Variants in KIAA1549L observed in about 807,000 individuals in gnomAD.
KIAA1549L encodes UPF0606 protein KIAA1549L.
A neutral mutation model predicts 160.7 loss-of-function variants in KIAA1549L; 88 were observed. That is an observed-to-expected ratio of 0.55 (90% CI 0.46 to 0.65). The LOEUF (loss-of-function observed/expected upper bound fraction) is 0.65, where lower values mean the gene tolerates loss of function less well. KIAA1549L is among the 30% of genes least tolerant of loss of function. The probability of loss-of-function intolerance (pLI) is 0.00; values close to 1 mark genes in which losing one functional copy is unlikely to be tolerated. For synonymous variants in KIAA1549L, 950 were observed against 976.7 expected, an observed-to-expected ratio of 0.97 and a Z score of 0.51; for missense variants, 2,258 against 2,437.5, an observed-to-expected ratio of 0.93 and a Z score of 1.55.
intron 1 of KIAA1549L, among the ~76,000 whole-genome samples, chr11:33,457,336 C>G (rs1331612842): frequency 1.3e-5 from 2 of 152,136 alleles, no homozygotes; most frequent in Non-Finnish European, 2.9e-5. Flanking sequence ...GGGATGTGGT[C>G]AAAGATAGGA....
At chr11:33,444,660 A>G (rs1162615913) in intron 1 of KIAA1549L, among the ~76,000 whole-genome samples, 2 of 152,266 alleles carry the variant, frequency 1.3e-5, no homozygotes, top group African/African-American at 4.8e-5. Context: ...ATTGAAATGA[A>G]ATGAAAGCAT....
intron 20 of KIAA1549L, 72 bp from the exon 21 acceptor site, chr11:33,667,801 T>A: frequency 7.3e-7 from 1 of 1,365,784 alleles, no homozygotes; most frequent in Non-Finnish European, 1.0e-6. Flanking sequence ...GCTTCCAGTG[T>A]CAAGTGTGTC....
chr11:33,462,721 A>G (rs942239895), intron 1 of KIAA1549L, among the ~76,000 whole-genome samples: 10 of 151,908 alleles, frequency 6.6e-5, no homozygotes, highest in African/African-American at 2.4e-4. Context: ...CAGTTTCCTT[A>G]CATATAAGTT....
chr11:33,543,581 C>T lies in KIAA1549L; in HGVS notation c.2018C>T (p.Pro673Leu). ...GCTTCCAAACAGGTGAGAGCATCGCCCTCCTCCATGGATGTATATGATTCC... is the reference window on the plus strand; with the variant it reads ...GCTTCCAAACAGGTGAGAGCATCGCTCTCCTCCATGGATGTATATGATTCC... ...ASASKQVRAS[P>L]SSMDVYDSLT... is the part of the protein sequence containing the mutation. The change falls in exon 2 of 21, where the codon CCC becomes CTC. Residue 673 changes from proline to leucine, a missense_variant. Around this residue, in one of 6 missense-constraint regions of KIAA1549L, gnomAD observed 287 missense variants for 292.3 expected, o/e 0.98. Transcript: ENST00000658780. The T allele has an allele frequency of 6.2e-7, 1 of 1,614,040 alleles. No individual in the cohort carries two copies. The highest frequency in any genetic ancestry group is 8.5e-7 in the Non-Finnish European group (1 of 1,179,886).
At chr11:33,397,644 G>A (rs1403728811) in intron 1 of KIAA1549L, among the ~76,000 whole-genome samples, 9 of 151,066 alleles carry the variant, frequency 6.0e-5, no homozygotes, top group East Asian at 2.0e-4. Flanking sequence ...CTTGGGAGGC[G>A]GAGGTTGCGG....
chr11:33,608,057 T>C (rs1850554381), intron 14 of KIAA1549L, among the ~76,000 whole-genome samples: 1 of 152,190 alleles, frequency 6.6e-6, no homozygotes, highest in Non-Finnish European at 1.5e-5. Context: ...CTTTCCTCTC[T>C]TTTACTTACT....
chr11:33,550,076 C>T (rs573674046), intron 4 of KIAA1549L, among the ~76,000 whole-genome samples: 1 of 149,738 alleles, frequency 6.7e-6, no homozygotes, highest in South Asian at 2.1e-4. Flanking sequence ...ACCCTGAGTT[C>T]CAGTTTTACA....
Position 33,631,614 on chromosome 11 carries a change from G to A in KIAA1549L, c.5409+12952G>A, listed in dbSNP as rs576630339. Among the ~76,000 whole-genome samples the A allele has an allele frequency of 1.6e-4, 25 of 152,280 alleles. No homozygotes were observed. The South Asian group carries it at 3.7e-3, about 23-fold the overall frequency. ...CAGATGTCCCCTGGTGGTCAAACCT[G>A]CTCCTGGCTGAGAACTACTGACCTA... On this transcript the variant is annotated intron_variant, in intron 16 of 20. Transcript: ENST00000658780.
chr11:33,397,992 C>T (rs540056303), intron 1 of KIAA1549L, among the ~76,000 whole-genome samples: 130 of 144,300 alleles, frequency 9.0e-4, no homozygotes, highest in African/African-American at 3.1e-3. Flanking sequence ...GGCACAATCT[C>T]GGCTCACTGC....
chr11:33,658,802 G>C lies in KIAA1549L; in HGVS notation c.5911G>C (p.Glu1971Gln). The C allele has an allele frequency of 6.4e-7, 1 of 1,568,728 alleles. No homozygotes were observed. The highest frequency in any genetic ancestry group is 8.6e-7 in the Non-Finnish European group (1 of 1,157,344). ...KTRMAESTGPEPAQLHDSASF... is the reference protein window; with the variant it reads ...KTRMAESTGPQPAQLHDSASF... The stretch of plus-strand genomic sequence containing the variant: ...CAGAATGGCCGAGTCTACAGGGCCC[G>C]AGCCGGCCCAGCTGCACGACAGCGC... The change falls in exon 19 of 21, where the codon GAG becomes CAG. Residue 1971 changes from glutamate to glutamine, a missense_variant. By Grantham distance (29) the Glu-to-Gln change is conservative. This residue lies in a region of KIAA1549L where 1,359 missense variants were observed against 1,546.6 expected (regional missense o/e 0.88). Coordinates refer to ENST00000658780, the MANE Select transcript of KIAA1549L (RefSeq NM_012194.3).
intron 19 of KIAA1549L, among the ~76,000 whole-genome samples, chr11:33,659,349 C>T (rs576503023): frequency 1.3e-5 from 2 of 152,280 alleles, no homozygotes; most frequent in East Asian, 3.9e-4. Flanking sequence ...TCATGGCATA[C>T]ATTTCCTTTT....
rs372491702 is a variant in KIAA1549L, at chr11:33,407,145, C to T, written c.238+30256C>T. 9.5e-3 allele frequency among the ~76,000 whole-genome samples: 1,204 copies of T among 126,560 alleles called. 11 individuals are homozygous for T. The highest frequency in any genetic ancestry group is 0.035 in the African/African-American group (1,135 of 32,250). 83.0% of individuals were successfully genotyped at this position (126,560 alleles called of 152,430 possible). Reference sequence around the variant, plus strand: ...TGTCGTCCAGGCTGGAGTGCAGTGGCGTGATCTCGGCTCACTACAAACTCC... The same window carrying T: ...TGTCGTCCAGGCTGGAGTGCAGTGGTGTGATCTCGGCTCACTACAAACTCC... On this transcript the variant is annotated intron_variant, in intron 1 of 20. Transcript: ENST00000658780.
At chr11:33,496,392 G>C (rs1179205409) in intron 1 of KIAA1549L, among the ~76,000 whole-genome samples, 1 of 151,762 alleles carries the variant, frequency 6.6e-6, no homozygotes, top group Non-Finnish European at 1.5e-5. Flanking sequence ...GTCACTGGAG[G>C]GGTCGTCAGC....
chr11:33,456,915 A>T (rs1851836010), intron 1 of KIAA1549L, among the ~76,000 whole-genome samples: 2 of 152,218 alleles, frequency 1.3e-5, no homozygotes, highest in Admixed American at 6.5e-5. Flanking sequence ...AGAGAGATGC[A>T]CAGTAGATTT....
chr11:33,432,653 T>C (rs1246423471), intron 1 of KIAA1549L, among the ~76,000 whole-genome samples: 1 of 152,222 alleles, frequency 6.6e-6, no homozygotes, highest in African/African-American at 2.4e-5. Flanking sequence ...AGAACAAAGC[T>C]GGAGGCATCA....
At chr11:33,461,816 T>A (rs918685840) in intron 1 of KIAA1549L, among the ~76,000 whole-genome samples, 29 of 152,192 alleles carry the variant, frequency 1.9e-4, no homozygotes, top group African/African-American at 7.0e-4. Flanking sequence ...ATGTAGAAAT[T>A]GAGGCATCGA....
intron 20 of KIAA1549L, 67 bp from the exon 21 acceptor site, chr11:33,667,806 T>G (rs1275981685): frequency 7.1e-7 from 1 of 1,407,500 alleles, no homozygotes; most frequent in Non-Finnish European, 9.7e-7. Flanking sequence ...CAGTGTCAAG[T>G]GTGTCCTGTG....
intron 16 of KIAA1549L, among the ~76,000 whole-genome samples, chr11:33,645,143 C>A (rs527340196): frequency 2.7e-4 from 41 of 152,190 alleles, no homozygotes; most frequent in Middle Eastern, 3.2e-3. Flanking sequence ...CTGGGCCTCA[C>A]CCCCAGAGCT....
rs1005569424 is a variant in KIAA1549L at position 33,544,811 on chromosome 11, G to A, written c.2818G>A (p.Val940Ile). 13 of 1,609,090 alleles carry A rather than the reference G, an allele frequency of 8.1e-6. No individual in the cohort carries two copies. The highest frequency in any genetic ancestry group is 2.2e-5 in the East Asian group (1 of 44,724). ...GGTACAGCCAACAGCAGCAGCTGCC[G>A]TCACATTGTTTCTGAGGAAATCAAG... ...SKVQPTAAAA[V>I]TLFLRKSSPP... The change falls in exon 3 of 21, where the codon GTC becomes ATC. Residue 940 changes from valine (V) to isoleucine (I), a missense_variant. By Grantham distance (29) the Val-to-Ile change is conservative. Transcript: ENST00000658780.
Sources: allele counts gnomAD v4.1 joint callset (sites outside exome capture counted in the v4.1 genomes callset), GRCh38; gene constraint gnomAD v4.1.1; regional missense constraint gnomAD v4.1.1; transcripts MANE v1.5; gene names NCBI Gene and HGNC (gene_info 2026-07-23, HGNC 2026-07-21).